ATP13A2: variants seen among roughly 807,000 people sequenced by gnomAD.
The protein encoded by ATP13A2 is polyamine-transporting ATPase 13A2.
ATP13A2 carries 83 observed loss-of-function variants against 138.3 expected under a neutral mutation model. The ratio of observed to expected loss-of-function variants is 0.60; its 90% CI spans 0.50 to 0.72. ATP13A2 has a LOEUF of 0.72. ATP13A2 is among the 30% of genes least tolerant of loss of function. ATP13A2 has a pLI of 0.00. For missense variants in ATP13A2, 1,402 were observed against 1,606.4 expected (o/e 0.87, Z 2.17); for synonymous variants, 663 against 699.0 (o/e 0.95, Z 0.81).
rs894687154 is a variant in ATP13A2 at position 17,004,494 on chromosome 1, G to C, written c.478-83C>G. 3.8e-6 allele frequency: 6 copies of C among 1,562,056 alleles called. No homozygotes were observed. In the South Asian group the frequency reaches 6.8e-5, roughly 18 times the overall value. The stretch of plus-strand genomic sequence containing the variant: ...TGCTTATGCTGGGAGCCGAGGGATG[G>C]GGGTAGGGGGCAGGGACTGGTGTCA... On this transcript the variant is annotated intron_variant, in intron 5 of 28. Coordinates refer to ENST00000326735, the MANE Select transcript of ATP13A2 (RefSeq NM_022089.4). This position sits in a 1 kb window ranked among gnomAD's most constrained non-coding sequence, Gnocchi z 4.1.
chr1:17,008,672 C>T (rs556901067), intron 1 of ATP13A2, among the ~76,000 whole-genome samples: 7 of 151,756 alleles, frequency 4.6e-5, no homozygotes, highest in Middle Eastern at 3.5e-3. Context: ...TCAGGCCGGC[C>T]GTGCGCAGTG....
chr1:16,988,306 T>TCC lies in ATP13A2; in HGVS notation c.2762+14_2762+15dup. The TCC allele has an allele frequency of 6.2e-7, 1 of 1,614,162 alleles. No individual in the cohort carries two copies. Among genetic ancestry groups the TCC allele is most frequent in the Non-Finnish European group, 8.5e-7 (1 of 1,180,034 alleles). ...GCCCTGCTGAGCCCTCACCCACCGG[T>TCC]CCCTGCCTGCCTTACCTGATGACCA... On this transcript the variant is annotated intron_variant, in intron 24 of 28. Coordinates refer to ENST00000326735, the MANE Select transcript of ATP13A2 (RefSeq NM_022089.4).
chr1:16,996,574 C>T (rs1224610245), intron 12 of ATP13A2, 78 bp from the exon 13 acceptor site: 13 of 1,165,498 alleles, frequency 1.1e-5, no homozygotes, highest in Admixed American at 3.6e-5. Flanking sequence ...CCTCCCGACC[C>T]GTGCCTCTGG....
At chr1:17,000,193 T>TCCC in intron 10 of ATP13A2, 51 bp from the exon 11 acceptor site, 1 of 1,547,718 alleles carries the variant, frequency 6.5e-7, no homozygotes, top group Non-Finnish European at 8.8e-7. Flanking sequence ...GCCCCAGCCA[T>TCCC]GCCCCCCCAC....
At chr1:16,996,903 G>A in intron 12 of ATP13A2, 117 bp downstream of exon 12, 1 of 1,316,860 alleles carries the variant, frequency 7.6e-7, no homozygotes, top group East Asian at 2.5e-5. Flanking sequence ...CCCACAGCAG[G>A]GCAGCAGCAG....
Position 16,986,516 on chromosome 1 carries a change from G to A in ATP13A2, c.3352C>T (p.Leu1118=), listed in dbSNP as rs1335811581. 6.2e-7 allele frequency: 1 copy of A among 1,612,716 alleles called. No homozygotes were observed. Among genetic ancestry groups the A allele is most frequent in the South Asian group, 1.1e-5 (1 of 91,080 alleles). The change falls in exon 28 of 29, where the codon CTG becomes TTG. Residue 1118 remains leucine (L), a synonymous_variant. Transcript: ENST00000326735. This position sits in a 1 kb window ranked among gnomAD's most constrained non-coding sequence, Gnocchi z 6.9. ...AGGGTGACCAGACCCAGCAGCAGCA[G>A]CTTGAAGCCGGTGTCAGTGATGTTC... ...LRNITDTGFK[L]LLLGLVTLNF...
chr1:16,987,098 G>A lies in ATP13A2; in HGVS notation c.3031C>T (p.Leu1011=). ...CCCCCTAGCTGCACGCCGGTCACCA[G>A]GACCATCTGCAGCAGCAGGCTGCTG... is the stretch of plus-strand genomic sequence containing the variant. The part of the protein sequence containing the change: ...VLSSLLLQMV[L]VTGVQLGGYF... The change falls in exon 26 of 29, where the codon CTG becomes TTG. Residue 1011 remains leucine (L), a synonymous_variant. Coordinates refer to ENST00000326735, the MANE Select transcript of ATP13A2 (RefSeq NM_022089.4). 1 of 1,613,494 alleles carries A rather than the reference G, an allele frequency of 6.2e-7. No homozygotes were observed. Among genetic ancestry groups the A allele is most frequent in the Non-Finnish European group, 8.5e-7 (1 of 1,179,956 alleles).
intron 1 of ATP13A2, among the ~76,000 whole-genome samples, chr1:17,010,480 C>T (rs113358977): frequency 2.0e-5 from 3 of 152,270 alleles, no homozygotes; most frequent in African/African-American, 7.2e-5. Flanking sequence ...ACACAACCCT[C>T]TGGGGTAGTG....
chr1:16,989,689 A>G lies in ATP13A2; in HGVS notation c.2609+2T>C. The G allele has an allele frequency of 6.2e-7, 1 of 1,614,024 alleles. No homozygotes were observed. Among genetic ancestry groups the G allele is most frequent in the South Asian group, 1.1e-5 (1 of 91,064 alleles). On this transcript the variant is annotated splice_donor_variant, in intron 23 of 28. Transcript: ENST00000326735. LOFTEE classifies it high-confidence loss of function. ...TGCCCACACCCTCTGCCGAGCACTC[A>G]CTGAAGCTTCTGTAGCTCGCACACC...
rs199994961 is a variant in ATP13A2, at chr1:16,988,465, C to G, written c.2619G>C (p.Val873=). 2.4e-4 allele frequency: 387 copies of G among 1,613,740 alleles called. 5 individuals are homozygous for G. The highest frequency in any genetic ancestry group is 4.9e-4 in the Middle Eastern group (3 of 6,080). Residue 873 remains valine, a synonymous_variant, in exon 24 of 29, where the codon GTG becomes GTC. Coordinates refer to ENST00000326735, the MANE Select transcript of ATP13A2 (RefSeq NM_022089.4). ...CATTGGCGCCGTCTCCGCACATGCC[C>G]ACGCAGTACCTGAAGAGAGGTGTGG... ...VCELQKLQYC[V]GMCGDGANDC...
rs747077419 is a variant in ATP13A2, at chr1:16,996,505, G to A, written c.1196-9C>T. ...TTTTGCCGTGCAGAACCCTGGGGAGGAGGCGGGGACCCCAAGGCAGGGAAG... is the reference window on the plus strand; with the variant it reads ...TTTTGCCGTGCAGAACCCTGGGGAGAAGGCGGGGACCCCAAGGCAGGGAAG... On this transcript the variant is annotated splice_polypyrimidine_tract_variant and intron_variant, in intron 12 of 28. Transcript: ENST00000326735. 14 of 1,612,730 alleles carry A rather than the reference G, an allele frequency of 8.7e-6. No individual in the cohort carries two copies. The highest frequency in any genetic ancestry group is 1.7e-4 in the Middle Eastern group (1 of 6,038).
rs1043579853 is a variant in ATP13A2, at chr1:16,995,437, G to C, written c.1542+539C>G. ...GGCCCCAAGGGTTGGGAGCAGCACG[G>C]GATGCACACTAGGGCCCCAGGTCCC... On this transcript the variant is annotated intron_variant, in intron 15 of 28. Coordinates refer to ENST00000326735, the MANE Select transcript of ATP13A2 (RefSeq NM_022089.4). This position sits in a 1 kb window ranked among gnomAD's most constrained non-coding sequence, Gnocchi z 4.1. 1 of 259,076 alleles carries C rather than the reference G, an allele frequency of 3.9e-6. No homozygotes were observed. Among genetic ancestry groups the C allele is most frequent in the African/African-American group, 2.3e-5 (1 of 43,922 alleles). The allele number at this position is 259,076 out of a possible 1,614,324, so 16.0% of individuals were successfully genotyped here.
intron 16 of ATP13A2, 151 bp downstream of exon 16, chr1:16,993,478 C>A: frequency 1.2e-6 from 1 of 808,752 alleles, no homozygotes; most frequent in Non-Finnish European, 1.9e-6. Flanking sequence ...CCGGGAGCCA[C>A]GTTACAGGTG....
chr1:16,992,447 C>T, intron 17 of ATP13A2, 39 bp downstream of exon 17: 1 of 1,613,536 alleles, frequency 6.2e-7, no homozygotes, highest in Middle Eastern at 1.7e-4. Context: ...GGGGAGCCCA[C>T]CCCTCTGCCC....
chr1:16,988,468 G>A lies in ATP13A2; in HGVS notation c.2616C>T (p.Cys872=), dbSNP rs749859324. The A allele has an allele frequency of 1.9e-6, 3 of 1,613,850 alleles. No individual in the cohort carries two copies. Among genetic ancestry groups the A allele is most frequent in the Admixed American group, 1.7e-5 (1 of 60,028 alleles). ...TGGCGCCGTCTCCGCACATGCCCAC[G>A]CAGTACCTGAAGAGAGGTGTGGACA... The part of the protein sequence containing the change: ...LVCELQKLQY[C]VGMCGDGAND... Residue 872 remains cysteine (C), a synonymous_variant, in exon 24 of 29, where the codon TGC becomes TGT. Coordinates refer to ENST00000326735, the MANE Select transcript of ATP13A2 (RefSeq NM_022089.4).
Position 16,986,232 on chromosome 1 carries a change from G to T in ATP13A2, c.3532C>A (p.Pro1178Thr). ...CCCGTGGGCCTGCACTACCTCAGGG[G>T]GCCGGCGGGCAGCGGCGGCCAGGGC... ...EQPWPPLPAG[P>T]LR The change falls in exon 29 of 29, where the codon CCC becomes ACC. Residue 1178 changes from proline to threonine, a missense_variant. Pro to Thr is a conservative substitution (Grantham distance 38, BLOSUM62 -1). Transcript: ENST00000326735. This position sits in a 1 kb window ranked among gnomAD's most constrained non-coding sequence, Gnocchi z 6.9. 2 of 1,611,926 alleles carry T rather than the reference G, an allele frequency of 1.2e-6. No homozygotes were observed. Among genetic ancestry groups the T allele is most frequent in the South Asian group, 1.1e-5 (1 of 90,662 alleles).
chr1:16,992,993 G>A (rs1461028456), intron 16 of ATP13A2, among the ~76,000 whole-genome samples: 2 of 151,962 alleles, frequency 1.3e-5, no homozygotes, highest in African/African-American at 4.8e-5. Context: ...TCGGCTTACT[G>A]CAACCTCTGC....
chr1:17,003,269 G>C (rs1282198466), intron 6 of ATP13A2, among the ~76,000 whole-genome samples: 1 of 152,162 alleles, frequency 6.6e-6, no homozygotes, highest in Non-Finnish European at 1.5e-5. Context: ...TCAAACTAAA[G>C]TGTGTGAGCA....
chr1:16,992,990 ACTGCAACCT>A (rs1465377241), intron 16 of ATP13A2, among the ~76,000 whole-genome samples: 1 of 150,150 alleles, frequency 6.7e-6, no homozygotes, highest in Non-Finnish European at 1.5e-5. Context: ...ATCTCGGCTT[ACTGCAACCT>A]CTGCCTCCCG....
Sources: allele counts gnomAD v4.1 joint callset (sites outside exome capture counted in the v4.1 genomes callset), GRCh38; gene constraint gnomAD v4.1.1; non-coding constraint Gnocchi (gnomAD v3.1); transcripts MANE v1.5; gene names NCBI Gene and HGNC (gene_info 2026-07-23, HGNC 2026-07-21).